LARGE1: variants seen among roughly 807,000 people sequenced by gnomAD.
LARGE1 encodes LARGE xylosyl- and glucuronyltransferase 1.
In LARGE1, 43 loss-of-function variants were observed where a neutral mutation model predicts 87.6. The ratio of observed to expected loss-of-function variants is 0.49; its 90% CI spans 0.38 to 0.63. The LOEUF (loss-of-function observed/expected upper bound fraction) is 0.63. Among genes scored for constraint, LARGE1 ranks in the 30% least tolerant of loss-of-function variants. The pLI is 0.00. For missense variants in LARGE1, 802 were observed against 1,000.2 expected, an observed-to-expected ratio of 0.80 and a Z score of 2.67; for synonymous variants, 434 against 394.6, an observed-to-expected ratio of 1.10 and a Z score of -1.18.
At chr22:33,834,300 G>A (rs1486681442) in intron 1 of LARGE1, among the ~76,000 whole-genome samples, 1 of 152,182 alleles carries the variant, frequency 6.6e-6, no homozygotes, top group Non-Finnish European at 1.5e-5. Context: ...AGGCCTCTGA[G>A]CCCAAGCTAA....
chr22:33,195,113 T>A (rs1415274814), intron 11 of LARGE1, among the ~76,000 whole-genome samples: 28 of 152,228 alleles, frequency 1.8e-4, no homozygotes, highest in Non-Finnish European at 4.4e-5. Flanking sequence ...TATCAAGTTA[T>A]TAGAACCGTC....
At chr22:33,630,753 T>C (rs1418566475) in intron 3 of LARGE1, among the ~76,000 whole-genome samples, 1 of 152,220 alleles carries the variant, frequency 6.6e-6, no homozygotes, top group African/African-American at 2.4e-5. Context: ...ATGGTACACT[T>C]AGACTATACT....
At chr22:33,486,318 C>T (rs774455726) in intron 6 of LARGE1, among the ~76,000 whole-genome samples, 20 of 152,210 alleles carry the variant, frequency 1.3e-4, no homozygotes, top group Non-Finnish European at 1.8e-4. Flanking sequence ...GGCTCTAGAC[C>T]AAAGCCACGG....
At chr22:33,800,223 T>C (rs1450177933) in intron 1 of LARGE1, among the ~76,000 whole-genome samples, 1 of 152,102 alleles carries the variant, frequency 6.6e-6, no homozygotes, top group African/African-American at 2.4e-5. Flanking sequence ...TTTACAGTTA[T>C]TTTCATTTTG....
chr22:33,800,684 T>C (rs1237572147), intron 1 of LARGE1, among the ~76,000 whole-genome samples: 1 of 152,190 alleles, frequency 6.6e-6, no homozygotes, highest in Non-Finnish European at 1.5e-5. Flanking sequence ...GCACTCAACG[T>C]AATAGCCTTT....
At chr22:33,497,467 T>C (rs1377923563) in intron 6 of LARGE1, among the ~76,000 whole-genome samples, 1 of 152,206 alleles carries the variant, frequency 6.6e-6, no homozygotes, top group African/African-American at 2.4e-5. Context: ...TGCCTTCTGG[T>C]GACTGGCCCA....
intron 7 of LARGE1, among the ~76,000 whole-genome samples, chr22:33,399,721 T>G (rs2065874705): frequency 6.6e-6 from 1 of 152,046 alleles, no homozygotes; most frequent in Admixed American, 6.5e-5. Context: ...GCTAATTTTT[T>G]GTATTTTTAG....
At chr22:33,840,986 C>T (rs1302004168) in intron 1 of LARGE1, among the ~76,000 whole-genome samples, 2 of 152,122 alleles carry the variant, frequency 1.3e-5, no homozygotes, top group African/African-American at 4.8e-5. Flanking sequence ...ACTTGAGTAC[C>T]CATATAACCA....
At chr22:33,835,868 A>G (rs1006506439) in intron 1 of LARGE1, among the ~76,000 whole-genome samples, 1 of 152,216 alleles carries the variant, frequency 6.6e-6, no homozygotes, top group African/African-American at 2.4e-5. Context: ...CAGGAAAAAG[A>G]TCCAGATGAA....
At chr22:33,239,222 C>T (rs754307610) in intron 11 of LARGE1, among the ~76,000 whole-genome samples, 3 of 151,794 alleles carry the variant, frequency 2.0e-5, no homozygotes, top group Non-Finnish European at 4.4e-5. Flanking sequence ...GGGTACATAC[C>T]TAGTGAAATT....
intron 1 of LARGE1, among the ~76,000 whole-genome samples, chr22:33,881,824 T>C (rs2064693247): frequency 2.6e-5 from 4 of 152,202 alleles, no homozygotes; most frequent in African/African-American, 9.6e-5. Flanking sequence ...ATCATCTTCA[T>C]GAGCCTGAAT....
chr22:33,288,731 G>A (rs1931996363), intron 12 of LARGE1, among the ~76,000 whole-genome samples: 1 of 152,094 alleles, frequency 6.6e-6, no homozygotes, highest in African/African-American at 2.4e-5. Context: ...ATCATTCAAT[G>A]ATACCAAGCT....
At chr22:33,112,483 T>C in the LARGE1 span, among the ~76,000 whole-genome samples, 6 of 152,182 alleles carry the variant, frequency 3.9e-5, no homozygotes, top group Non-Finnish European at 8.8e-5. Flanking sequence ...CCATTGTTAG[T>C]AGTGGAAGTC....
chr22:33,673,756 G>A (rs917342961), intron 2 of LARGE1, among the ~76,000 whole-genome samples: 1 of 152,100 alleles, frequency 6.6e-6, no homozygotes, highest in Non-Finnish European at 1.5e-5. Flanking sequence ...GGAGTGCAGT[G>A]GCGCAATCTC....
At chr22:33,186,970 T>G (rs1021736312) in intron 11 of LARGE1, among the ~76,000 whole-genome samples, 3 of 152,230 alleles carry the variant, frequency 2.0e-5, no homozygotes, top group Non-Finnish European at 2.9e-5. Flanking sequence ...TCATGAATTA[T>G]GTATCCTGTC....
At chr22:33,456,952 G>A (rs1196630831) in intron 6 of LARGE1, among the ~76,000 whole-genome samples, 1 of 152,164 alleles carries the variant, frequency 6.6e-6, no homozygotes, top group Non-Finnish European at 1.5e-5. Flanking sequence ...CTTTACTTGT[G>A]CACTTGCAAT....
chr22:33,735,105 G>A (rs1188079644), intron 2 of LARGE1, among the ~76,000 whole-genome samples: 2 of 152,178 alleles, frequency 1.3e-5, no homozygotes, highest in Admixed American at 6.5e-5. Context: ...TACAAAGGTA[G>A]CAGTGTCCCT....
chr22:33,625,149 A>G (rs2079881804), intron 4 of LARGE1, among the ~76,000 whole-genome samples: 1 of 152,138 alleles, frequency 6.6e-6, no homozygotes, highest in Non-Finnish European at 1.5e-5. Flanking sequence ...CTGGATCCTG[A>G]CTCATCCACC....
At chr22:33,775,392 G>GCCTCACA (rs2085201354) in intron 1 of LARGE1, among the ~76,000 whole-genome samples, 1 of 151,968 alleles carries the variant, frequency 6.6e-6, no homozygotes, top group East Asian at 1.9e-4. Flanking sequence ...GCTGCTATGC[G>GCCTCACA]GCCTCACACT....
Sources: gnomAD v4.1 joint callset for allele counts (sites outside exome capture counted in the v4.1 genomes callset) on GRCh38, gnomAD v4.1.1 for gene constraint, MANE v1.5 for transcripts, NCBI Gene and HGNC (gene_info 2026-07-23, HGNC 2026-07-21) for gene names.